The following DSCAM variants were observed in gnomAD, a reference collection of about 807,000 sequenced individuals.
DSCAM encodes the protein DS cell adhesion molecule.
DSCAM carries 47 observed loss-of-function variants against 217.7 expected under a neutral mutation model. The ratio of observed to expected loss-of-function variants is 0.22; its 90% confidence interval spans 0.17 to 0.28. The LOEUF (loss-of-function observed/expected upper bound fraction) is 0.28, where lower values mean the gene tolerates loss of function less well. Ranked by LOEUF, DSCAM falls within the 10% of genes least tolerant of loss-of-function variation. The pLI, the probability that DSCAM is intolerant of heterozygous loss-of-function variation, is 1.00. For missense variants in DSCAM, 2,080 were observed against 2,618.3 expected, an observed-to-expected ratio of 0.79 and a Z score of 4.49; for synonymous variants, 1,056 against 1,015.3, an observed-to-expected ratio of 1.04 and a Z score of -0.76.
At chr21:40,049,817 T>C (rs1218789219) in intron 30 of DSCAM, among the ~76,000 whole-genome samples, 1 of 152,196 alleles carries the variant, frequency 6.6e-6, no homozygotes, top group Non-Finnish European at 1.5e-5. Flanking sequence ...CATGTCTCTG[T>C]TGATATTTTA....
intron 3 of DSCAM, among the ~76,000 whole-genome samples, chr21:40,662,849 G>C (rs1273118184): frequency 1.3e-5 from 2 of 152,146 alleles, no homozygotes; most frequent in Non-Finnish European, 2.9e-5. Flanking sequence ...CATGAGAAAT[G>C]AACTGTTGTA....
At chr21:40,546,948 C>T (rs924177686) in intron 3 of DSCAM, among the ~76,000 whole-genome samples, 15 of 152,066 alleles carry the variant, frequency 9.9e-5, no homozygotes, top group Admixed American at 9.2e-4. Context: ...TTTCTAAAGG[C>T]TGATACCCCC....
intron 1 of DSCAM, among the ~76,000 whole-genome samples, chr21:40,801,771 T>C (rs1438528576): frequency 6.6e-6 from 1 of 152,214 alleles, no homozygotes; most frequent in African/African-American, 2.4e-5. Flanking sequence ...GCAGCATGCA[T>C]GTGGTGCTAA....
intron 20 of DSCAM, 138 bp downstream of exon 20, chr21:40,124,057 G>A: frequency 8.7e-7 from 1 of 1,152,934 alleles, no homozygotes; most frequent in Non-Finnish European, 1.2e-6. Flanking sequence ...TTTTGTATGT[G>A]GAGACAGCAG....
intron 3 of DSCAM, among the ~76,000 whole-genome samples, chr21:40,380,831 A>G (rs1227248946): frequency 2.0e-5 from 3 of 152,112 alleles, no homozygotes. Context: ...TGGGAGGCCG[A>G]GGCGGGCGGA....
At chr21:40,566,455 T>C (rs917500443) in intron 3 of DSCAM, among the ~76,000 whole-genome samples, 7 of 152,238 alleles carry the variant, frequency 4.6e-5, no homozygotes, top group Non-Finnish European at 8.8e-5. Context: ...CAGACATTCA[T>C]TGACTCTTGC....
At chr21:40,620,059 GAAAGAAAGAGAGAAAGAGAAAAAAGAA>G (rs2089464741) in intron 3 of DSCAM, among the ~76,000 whole-genome samples, 1 of 82,794 alleles carries the variant, frequency 1.2e-5, no homozygotes, top group African/African-American at 5.0e-5. Flanking sequence ...AAAAGAAAAA[GAAAGAAAGAGAGAAAGAGAAAAAAGAA>G]AGAGAGAGAA....
At chr21:40,372,867 A>G (rs766099317) in intron 3 of DSCAM, among the ~76,000 whole-genome samples, 6 of 152,228 alleles carry the variant, frequency 3.9e-5, no homozygotes, top group Non-Finnish European at 7.3e-5. Context: ...ATGAGCTTAC[A>G]TGTTAGTGCC....
At chr21:40,632,787 T>C (rs2089709588) in intron 3 of DSCAM, among the ~76,000 whole-genome samples, 1 of 152,212 alleles carries the variant, frequency 6.6e-6, no homozygotes, top group African/African-American at 2.4e-5. Context: ...TTAACTGTGC[T>C]GCATCCACAG....
At chr21:40,783,318 C>T (rs1001937493) in intron 1 of DSCAM, among the ~76,000 whole-genome samples, 5 of 152,150 alleles carry the variant, frequency 3.3e-5, no homozygotes, top group African/African-American at 7.2e-5. Flanking sequence ...CATGGGATTG[C>T]AGCAATAACC....
In DSCAM at chr21:40,311,556, G is replaced by A. The variant is rs140486690; in HGVS notation, c.2062+525C>T. Among the ~76,000 whole-genome samples the A allele has an allele frequency of 4.3e-3, 647 of 152,168 alleles. 1 individual carries two copies. Among genetic ancestry groups the A allele is most frequent in the African/African-American group, 0.013 (547 of 41,512 alleles). ...CTTAATTTTAAAACGTTGCAATGGC[G>A]TCCCAAAATAATGATAGATTTAATG... On this transcript the variant is annotated intron_variant, in intron 9 of 32. Coordinates refer to ENST00000400454, the MANE Select transcript of DSCAM (RefSeq NM_001389.5).
At chr21:40,198,812 C>G (rs2091041905) in intron 11 of DSCAM, among the ~76,000 whole-genome samples, 1 of 152,186 alleles carries the variant, frequency 6.6e-6, no homozygotes, top group Non-Finnish European at 1.5e-5. Context: ...GCTCCATTGT[C>G]ACACTGGACT....
intron 2 of DSCAM, among the ~76,000 whole-genome samples, chr21:40,693,778 C>T (rs972755108): frequency 6.6e-6 from 1 of 152,134 alleles, no homozygotes; most frequent in African/African-American, 2.4e-5. Context: ...AGACAGCCTG[C>T]CCAAACACTC....
intron 1 of DSCAM, among the ~76,000 whole-genome samples, chr21:40,798,444 C>T (rs2091710537): frequency 6.6e-6 from 1 of 152,060 alleles, no homozygotes; most frequent in South Asian, 2.1e-4. Context: ...GAAGATTATA[C>T]ATACCTTTTA....
intron 23 of DSCAM, 147 bp from the exon 24 acceptor site, chr21:40,084,153 A>C (rs975363215): frequency 9.9e-6 from 6 of 607,358 alleles, no homozygotes; most frequent in African/African-American, 9.5e-5. Flanking sequence ...TTCTGTCAAA[A>C]TGTCTATTTA....
Position 40,078,842 on chromosome 21 carries a change from G to T in DSCAM, c.4556C>A (p.Thr1519Lys), listed in dbSNP as rs1362813490. The change falls in exon 26 of 33, where the codon ACA becomes AAA. Residue 1519 changes from threonine to lysine, a missense_variant. Physicochemically the swap from Thr to Lys is moderately conservative, Grantham distance 78 (BLOSUM62 -1). Around this residue, in one of 5 missense-constraint regions of DSCAM, gnomAD observed 1,144 missense variants for 1,421.1 expected, o/e 0.81. Transcript: ENST00000400454. Reference sequence around the variant, plus strand: ...GGTCCTCTGAGCTGTGGTCCAAACTGTGGTCCCAAAGGGCCTGTACTCTAG... The same window carrying T: ...GGTCCTCTGAGCTGTGGTCCAAACTTTGGTCCCAAAGGGCCTGTACTCTAG... ...FTLEYRPFGT[T>K]VWTTAQRTSL... 6.2e-7 allele frequency: 1 copy of T among 1,614,222 alleles called. No individual in the cohort carries two copies. Among genetic ancestry groups the T allele is most frequent in the South Asian group, 1.1e-5 (1 of 91,082 alleles).
intron 1 of DSCAM, among the ~76,000 whole-genome samples, chr21:40,757,448 C>T (rs530770991): frequency 1.8e-4 from 27 of 152,306 alleles, no homozygotes; most frequent in African/African-American, 4.3e-4. Context: ...TCCTGTGCAA[C>T]GTGACTTGGC....
intron 3 of DSCAM, among the ~76,000 whole-genome samples, chr21:40,603,435 T>G (rs2077077432): frequency 6.6e-6 from 1 of 152,228 alleles, no homozygotes; most frequent in African/African-American, 2.4e-5. Flanking sequence ...CTGAAGCCCC[T>G]AACTATAACA....
chr21:40,642,126 A>C (rs1216963634), intron 3 of DSCAM, among the ~76,000 whole-genome samples: 3 of 151,972 alleles, frequency 2.0e-5, no homozygotes, highest in Non-Finnish European at 4.4e-5. Context: ...GAGAGGGTAA[A>C]TATTTGTCCA....
Sources: allele counts gnomAD v4.1 joint callset (sites outside exome capture counted in the v4.1 genomes callset), GRCh38; gene constraint gnomAD v4.1.1; regional missense constraint gnomAD v4.1.1; transcripts MANE v1.5; gene names NCBI Gene and HGNC (gene_info 2026-07-23, HGNC 2026-07-21).